Variants in GRID1 observed in about 807,000 individuals in gnomAD.
The protein encoded by GRID1 is glutamate ionotropic receptor delta type subunit 1, also known as glutamate receptor ionotropic, delta-1.
Under a neutral mutation model 98.0 loss-of-function variants are expected in GRID1, and 28 were observed. That is an observed-to-expected ratio of 0.29 (90% CI 0.21 to 0.39). The LOEUF (loss-of-function observed/expected upper bound fraction) is 0.39, where lower values mean the gene tolerates loss of function less well. Among genes scored for constraint, GRID1 ranks in the 10% least tolerant of loss-of-function variants. The pLI, the probability that GRID1 is intolerant of heterozygous loss-of-function variation, is 1.00. For missense variants in GRID1, 1,111 were observed against 1,340.5 expected (o/e 0.83, Z 2.67); for synonymous variants, 553 against 538.5 (o/e 1.03, Z -0.37).
At chr10:86,332,925 G>A (rs1010800833) in intron 2 of GRID1, among the ~76,000 whole-genome samples, 11 of 151,982 alleles carry the variant, frequency 7.2e-5, no homozygotes, top group East Asian at 1.9e-4. Flanking sequence ...TCGCTTCTCC[G>A]CCTGGCTGCA....
At chr10:85,819,957 GAGAA>G (rs1443770228) in intron 8 of GRID1, among the ~76,000 whole-genome samples, 2 of 148,106 alleles carry the variant, frequency 1.4e-5, no homozygotes, top group Admixed American at 6.8e-5. Context: ...GAGGAAGGGA[GAGAA>G]AGAGAGAGGA....
chr10:86,068,074 C>T (rs1313324467), intron 4 of GRID1, among the ~76,000 whole-genome samples: 1 of 152,154 alleles, frequency 6.6e-6, no homozygotes, highest in African/African-American at 2.4e-5. Flanking sequence ...AGACACTTTC[C>T]ATTCACTATT....
At chr10:85,899,633 G>T (rs1397768547) in intron 5 of GRID1, among the ~76,000 whole-genome samples, 3 of 152,074 alleles carry the variant, frequency 2.0e-5, no homozygotes, top group African/African-American at 7.2e-5. Context: ...GCAGGGCCTG[G>T]CACACAGTAG....
At chr10:86,202,018 TG>T (rs1845960742) in intron 3 of GRID1, among the ~76,000 whole-genome samples, 1 of 152,236 alleles carries the variant, frequency 6.6e-6, no homozygotes, top group African/African-American at 2.4e-5. Flanking sequence ...ATCGTAACCA[TG>T]TGTAGCTTTC....
intron 8 of GRID1, among the ~76,000 whole-genome samples, chr10:85,756,204 A>C (rs1376710898): frequency 3.3e-5 from 5 of 152,184 alleles, no homozygotes. Context: ...CTTATCATGC[A>C]CTGTGGCCGT....
intron 4 of GRID1, among the ~76,000 whole-genome samples, chr10:86,104,879 C>T (rs772052089): frequency 2.6e-5 from 4 of 152,156 alleles, no homozygotes; most frequent in Non-Finnish European, 4.4e-5. Flanking sequence ...TGTGCGACAG[C>T]GGACAGGGGG....
intron 2 of GRID1, among the ~76,000 whole-genome samples, chr10:86,271,404 G>A (rs111966404): frequency 0.024 from 3,675 of 152,194 alleles, 73 homozygotes; most frequent in Non-Finnish European, 0.039. Context: ...AAACTGATTA[G>A]GTATGTAGAG....
chr10:86,040,964 G>C (rs1843337208), intron 4 of GRID1, among the ~76,000 whole-genome samples: 1 of 150,416 alleles, frequency 6.6e-6, no homozygotes, highest in Admixed American at 6.6e-5. Flanking sequence ...CACAATGGTA[G>C]AATTCAGGTG....
chr10:86,345,521 T>C (rs1442036751), intron 2 of GRID1, among the ~76,000 whole-genome samples: 3 of 152,164 alleles, frequency 2.0e-5, no homozygotes, highest in African/African-American at 4.8e-5. Context: ...GCCTCAGCCA[T>C]GTAGAAGTCC....
At chr10:85,721,735 G>A (rs1039011474) in intron 12 of GRID1, among the ~76,000 whole-genome samples, 1 of 152,148 alleles carries the variant, frequency 6.6e-6, no homozygotes, top group East Asian at 1.9e-4. Context: ...GTTATAAAAG[G>A]ACAACACAAA....
chr10:86,036,358 G>A (rs1258739906), intron 4 of GRID1, among the ~76,000 whole-genome samples: 2 of 152,160 alleles, frequency 1.3e-5, no homozygotes, highest in Non-Finnish European at 2.9e-5. Flanking sequence ...CCTTCTAAAT[G>A]TCCTGACAAA....
chr10:86,311,172 C>T (rs1337576668), intron 2 of GRID1, among the ~76,000 whole-genome samples: 1 of 152,104 alleles, frequency 6.6e-6, no homozygotes, highest in Non-Finnish European at 1.5e-5. Context: ...CCTACTGAGC[C>T]GGAGTTATTC....
At chr10:85,774,698 T>C (rs1488163320) in intron 8 of GRID1, among the ~76,000 whole-genome samples, 1 of 151,368 alleles carries the variant, frequency 6.6e-6, no homozygotes, top group Non-Finnish European at 1.5e-5. Flanking sequence ...AAGAAGACAT[T>C]TATGCAGCCA....
At chr10:86,063,889 C>T (rs1456653714) in intron 4 of GRID1, among the ~76,000 whole-genome samples, 2 of 152,152 alleles carry the variant, frequency 1.3e-5, no homozygotes, top group Non-Finnish European at 2.9e-5. Context: ...TAGCTACTGT[C>T]AGGCCTAAGT....
chr10:86,051,135 T>C (rs1443005920), intron 4 of GRID1, among the ~76,000 whole-genome samples: 1 of 151,132 alleles, frequency 6.6e-6, no homozygotes, highest in Non-Finnish European at 1.5e-5. Flanking sequence ...CTACAATAAT[T>C]AAAACAGTGT....
At chr10:85,718,744 G>A (rs543169723) in intron 12 of GRID1, among the ~76,000 whole-genome samples, 1 of 152,302 alleles carries the variant, frequency 6.6e-6, no homozygotes, top group African/African-American at 2.4e-5. Context: ...CTGGGCCTCT[G>A]GGCCTGTGAT....
chr10:85,694,589 T>TATATATATATAG (rs1564562149), intron 12 of GRID1, among the ~76,000 whole-genome samples: 20 of 87,136 alleles, frequency 2.3e-4, no homozygotes, highest in African/African-American at 1.1e-3. Context: ...TATATATATA[T>TATATATATATAG]ATATATATAT....
chr10:85,973,273 T>C (rs1014333223), intron 4 of GRID1, among the ~76,000 whole-genome samples: 1 of 152,232 alleles, frequency 6.6e-6, no homozygotes, highest in African/African-American at 2.4e-5. Flanking sequence ...TTTTTACTTT[T>C]TGTACATTGG....
chr10:86,335,065 G>C (rs1162709546), intron 2 of GRID1, among the ~76,000 whole-genome samples: 1 of 152,252 alleles, frequency 6.6e-6, no homozygotes, highest in Non-Finnish European at 1.5e-5. Context: ...CATTTTGGCA[G>C]AGCATAGGGG....
Sources: allele counts gnomAD v4.1 joint callset (sites outside exome capture counted in the v4.1 genomes callset), GRCh38; gene constraint gnomAD v4.1.1; transcripts MANE v1.5; gene names NCBI Gene and HGNC (gene_info 2026-07-23, HGNC 2026-07-21).